Variants in TRIO observed in about 807,000 individuals in gnomAD.
TRIO encodes trio Rho guanine nucleotide exchange factor.
A neutral mutation model predicts 351.9 loss-of-function variants in TRIO; 58 were observed. That is an observed-to-expected ratio of 0.16 (90% CI 0.13 to 0.21). The LOEUF is 0.21. TRIO is among the 10% of genes least tolerant of loss of function. The probability of loss-of-function intolerance (pLI) is 1.00; values close to 1 mark genes in which losing one functional copy is unlikely to be tolerated. For synonymous variants in TRIO, 1,758 were observed against 1,595.7 expected (o/e 1.10, Z -2.42); for missense variants, 3,201 against 4,027.8 (o/e 0.79, Z 5.56).
intron 1 of TRIO, among the ~76,000 whole-genome samples, chr5:14,158,101 T>G (rs903187904): frequency 3.3e-5 from 5 of 152,172 alleles, no homozygotes; most frequent in Admixed American, 6.5e-5. Flanking sequence ...TGCTTATTAA[T>G]ATTTTAATGG....
chr5:14,462,738 T>C lies in TRIO; in HGVS notation c.5497-17T>C. The stretch of plus-strand genomic sequence containing the variant: ...ACTGGCCTGGAATATAATGAGCAAA[T>C]CTTGACTGGATTTCAGAGAGGCCGG... On this transcript the variant is annotated splice_polypyrimidine_tract_variant and intron_variant, in intron 35 of 56. Coordinates refer to ENST00000344204, the MANE Select transcript of TRIO (RefSeq NM_007118.4). The C allele has an allele frequency of 6.2e-7, 1 of 1,613,662 alleles. No individual in the cohort carries two copies. Among genetic ancestry groups the C allele is most frequent in the South Asian group, 1.1e-5 (1 of 91,068 alleles).
Position 14,388,670 on chromosome 5 carries a change from A to G in TRIO, c.3939A>G (p.Glu1313=). 5 of 1,566,462 alleles carry G rather than the reference A, an allele frequency of 3.2e-6. No homozygotes were observed. Among genetic ancestry groups the G allele is most frequent in the Non-Finnish European group, 4.4e-6 (5 of 1,144,728 alleles). The part of the protein sequence containing the change: ...TEKAYVRDLR[E]CMDTYLWEMT... Reference sequence around the variant, plus strand: ...AGGCTTATGTAAGAGACCTCCGGGAATGTATGGATGTAAGTAAGTTTTTTT... The same window carrying G: ...AGGCTTATGTAAGAGACCTCCGGGAGTGTATGGATGTAAGTAAGTTTTTTT... Residue 1313 remains glutamate (E), a synonymous_variant, in exon 24 of 57, where the codon GAA becomes GAG. Coordinates refer to ENST00000344204, the MANE Select transcript of TRIO (RefSeq NM_007118.4).
chr5:14,330,288 T>G (rs760557859), intron 9 of TRIO, among the ~76,000 whole-genome samples: 23 of 152,186 alleles, frequency 1.5e-4, no homozygotes, highest in Admixed American at 6.5e-4. Flanking sequence ...GGCATGTAAG[T>G]GTTAGGTTTT....
chr5:14,305,392 C>T (rs764515293), intron 8 of TRIO, among the ~76,000 whole-genome samples: 1 of 152,198 alleles, frequency 6.6e-6, no homozygotes, highest in Non-Finnish European at 1.5e-5. Flanking sequence ...ATAATAGTTA[C>T]GTTCCTGGAG....
At chr5:14,501,070 TA>T (rs1308860223) in intron 53 of TRIO, among the ~76,000 whole-genome samples, 1 of 141,130 alleles carries the variant, frequency 7.1e-6, no homozygotes, top group Non-Finnish European at 1.6e-5. Flanking sequence ...AATGTTTATT[TA>T]AAAAAAAGAA....
intron 39 of TRIO, among the ~76,000 whole-genome samples, chr5:14,472,894 C>T (rs1270785010): frequency 6.6e-6 from 1 of 152,038 alleles, no homozygotes; most frequent in African/African-American, 2.4e-5. Flanking sequence ...TCTTTTTTAA[C>T]AGTTGAAATT....
intron 34 of TRIO, among the ~76,000 whole-genome samples, chr5:14,422,532 A>G (rs1750257940): frequency 6.6e-6 from 1 of 152,206 alleles, no homozygotes; most frequent in African/African-American, 2.4e-5. Context: ...AAGGATTGCA[A>G]TGAGTCTAAT....
chr5:14,481,079 T>C (rs1017127528), intron 43 of TRIO, among the ~76,000 whole-genome samples, 155 bp from the exon 44 acceptor site: 2 of 152,130 alleles, frequency 1.3e-5, no homozygotes, highest in Admixed American at 6.5e-5. Context: ...TAGTCCCAGC[T>C]ACTCAGGAGG....
chr5:14,507,774 G>C, intron 56 of TRIO, 106 bp from the exon 57 acceptor site: 1 of 1,394,984 alleles, frequency 7.2e-7, no homozygotes, highest in Non-Finnish European at 9.6e-7. Flanking sequence ...GCTTGTCCTA[G>C]TTGACATCCT....
At chr5:14,349,137 T>C (rs1742768363) in intron 11 of TRIO, among the ~76,000 whole-genome samples, 1 of 152,064 alleles carries the variant, frequency 6.6e-6, no homozygotes, top group Non-Finnish European at 1.5e-5. Flanking sequence ...AGCATGTTTT[T>C]CCTGCGTGTT....
At chr5:14,455,164 G>A (rs550541860) in intron 34 of TRIO, among the ~76,000 whole-genome samples, 1 of 152,272 alleles carries the variant, frequency 6.6e-6, no homozygotes, top group South Asian at 2.1e-4. Flanking sequence ...AGTGTGGAAG[G>A]GGACCCAAAT....
intron 21 of TRIO, among the ~76,000 whole-genome samples, chr5:14,383,186 C>T (rs756700113): frequency 5.3e-5 from 8 of 152,110 alleles, no homozygotes; most frequent in Non-Finnish European, 1.0e-4. Flanking sequence ...ATTAGTTGGG[C>T]ATGGTGGTGT....
intron 54 of TRIO, 79 bp downstream of exon 54, chr5:14,502,736 A>G: frequency 7.2e-7 from 1 of 1,379,680 alleles, no homozygotes; most frequent in South Asian, 1.2e-5. Context: ...GGATAAAGCT[A>G]AGCAGTGTTA....
chr5:14,387,061 C>T (rs139847218), intron 21 of TRIO, among the ~76,000 whole-genome samples: 54 of 152,318 alleles, frequency 3.5e-4, no homozygotes, highest in Non-Finnish European at 6.8e-4. Context: ...ATGCATAGAG[C>T]GAGGAGCTGT....
rs1168946274 is a variant in TRIO, at chr5:14,508,147, T to C, written c.9019T>C (p.Leu3007=). The change falls in exon 57 of 57, where the codon TTA becomes CTA. Residue 3007 remains leucine, a synonymous_variant. Transcript: ENST00000344204. Reference sequence around the variant, plus strand: ...AGAGACCTGCCTGAACATTTGCCGCTTAGACTTTAGCTTCCCAGATGACTA... The same window carrying C: ...AGAGACCTGCCTGAACATTTGCCGCCTAGACTTTAGCTTCCCAGATGACTA... ...VEETCLNICR[L]DFSFPDDYFK... is the part of the protein sequence containing the mutation. 1 of 1,614,158 alleles carries C rather than the reference T, an allele frequency of 6.2e-7. No individual in the cohort carries two copies. Among genetic ancestry groups the C allele is most frequent in the South Asian group, 1.1e-5 (1 of 91,082 alleles).
intron 53 of TRIO, among the ~76,000 whole-genome samples, chr5:14,500,907 A>T (rs1302917520): frequency 6.6e-6 from 1 of 151,178 alleles, no homozygotes; most frequent in Non-Finnish European, 1.5e-5. Flanking sequence ...AAAAAAAAAA[A>T]AAAAAACACA....
intron 33 of TRIO, among the ~76,000 whole-genome samples, chr5:14,411,861 C>T (rs1343508962): frequency 1.3e-5 from 2 of 152,138 alleles, no homozygotes; most frequent in Non-Finnish European, 2.9e-5. Context: ...CCCACCTCAG[C>T]CTCTCAAAAC....
In TRIO at chr5:14,498,547, G is replaced by T. The variant is rs149437604; in HGVS notation, c.8239G>T (p.Val2747Leu). 1 of 1,613,876 alleles carries T rather than the reference G, an allele frequency of 6.2e-7. No individual in the cohort carries two copies. The highest frequency in any genetic ancestry group is 1.3e-5 in the African/African-American group (1 of 74,850). Residue 2747 changes from valine (V) to leucine (L), a missense_variant, in exon 53 of 57, where the codon GTG becomes TTG. Val to Leu is a conservative substitution (Grantham distance 32). Transcript: ENST00000344204. ...CCTGGGAGAGGCCACGCTGAAGATTGTGGGCGTGACCACGGAAGATGACGG... is the reference window on the plus strand; with the variant it reads ...CCTGGGAGAGGCCACGCTGAAGATTTTGGGCGTGACCACGGAAGATGACGG... ...SDLGEATLKIVGVTTEDDGIY... is the reference protein window; with the variant it reads ...SDLGEATLKILGVTTEDDGIY...
Position 14,369,517 on chromosome 5 carries a change from C to T in TRIO, c.3210C>T (p.Phe1070=), listed in dbSNP as rs1229111813. ...ISKHLEQKEA[F]LKACTLARRN... ...AGCACCTGGAGCAGAAGGAGGCATT[C>T]CTGAAGGTAGGGGCAGCGCTGCGGG... Residue 1070 remains phenylalanine (F), a synonymous_variant, in exon 18 of 57, where the codon TTC becomes TTT. Coordinates refer to ENST00000344204, the MANE Select transcript of TRIO (RefSeq NM_007118.4). 6.8e-6 allele frequency: 11 copies of T among 1,613,478 alleles called. No individual in the cohort carries two copies. Among genetic ancestry groups the T allele is most frequent in the Non-Finnish European group, 9.3e-6 (11 of 1,179,856 alleles).
Sources: allele counts gnomAD v4.1 joint callset (sites outside exome capture counted in the v4.1 genomes callset), GRCh38; gene constraint gnomAD v4.1.1; transcripts MANE v1.5; gene names NCBI Gene and HGNC (gene_info 2026-07-23, HGNC 2026-07-21).